Variants in LUC7L2 observed in about 807,000 individuals in gnomAD.
The protein encoded by LUC7L2 is putative RNA-binding protein Luc7-like 2.
LUC7L2 carries 25 observed loss-of-function variants against 52.8 expected under a neutral mutation model. That is an observed-to-expected ratio of 0.47 (90% confidence interval 0.34 to 0.66). The LOEUF (loss-of-function observed/expected upper bound fraction) is 0.66, where lower values mean the gene tolerates loss of function less well. Ranked by LOEUF, LUC7L2 falls within the 30% of genes least tolerant of loss-of-function variation. The pLI, the probability that LUC7L2 is intolerant of heterozygous loss-of-function variation, is 0.01. For synonymous variants in LUC7L2, 144 were observed against 160.9 expected (o/e 0.89, Z 0.80); for missense variants, 328 against 497.8 (o/e 0.66, Z 3.25).
Position 139,360,233 on chromosome 7 carries a change from CCCGCCCGT to C in LUC7L2, c.-21_-14del, listed in dbSNP as rs942228723. ...AAAAGGGCCCGGTCTGCGCCCCACC[CCCGCCCGT>C]CCGCCCGCTACGCCGCCGCCATGTC... is the stretch of plus-strand genomic sequence containing the variant. On this transcript the variant is annotated 5_prime_UTR_variant, in exon 1 of 10. Coordinates refer to ENST00000354926, the MANE Select transcript of LUC7L2 (RefSeq NM_016019.5). 24 of 1,540,680 alleles carry C rather than the reference CCCGCCCGT, an allele frequency of 1.6e-5. No homozygotes were observed. The African/African-American group carries it at 2.3e-4, about 15-fold the overall frequency.
intron 1 of LUC7L2, among the ~76,000 whole-genome samples, chr7:139,340,953 G>A (rs536900500): frequency 5.9e-5 from 9 of 152,230 alleles, no homozygotes; most frequent in African/African-American, 2.2e-4. Flanking sequence ...GATTTGGGGA[G>A]ACGTCAATAC....
At chr7:139,365,072 T>A (rs1800086013) in intron 1 of LUC7L2, among the ~76,000 whole-genome samples, 1 of 152,250 alleles carries the variant, frequency 6.6e-6, no homozygotes, top group Non-Finnish European at 1.5e-5. Flanking sequence ...TCTCTGCGTT[T>A]CAGTTAACTA....
chr7:139,408,787 A>T (rs1191624759), intron 6 of LUC7L2, among the ~76,000 whole-genome samples: 1 of 149,852 alleles, frequency 6.7e-6, no homozygotes, highest in East Asian at 2.0e-4. Flanking sequence ...GGTTGCAGTG[A>T]GCTGAGATTG....
At chr7:139,408,829 G>C (rs184463327) in intron 6 of LUC7L2, among the ~76,000 whole-genome samples, 1 of 139,940 alleles carries the variant, frequency 7.1e-6, no homozygotes, top group Non-Finnish European at 1.5e-5. Context: ...GCGACAGAGC[G>C]AGACTCTGTC....
rs1244009865 is a variant in LUC7L2 at position 139,359,995 on chromosome 7, C to T, written c.-267C>T. ...TGTTGAAGGCGAGAGCTTGCTTGGC[C>T]CGTGTCGCTTCTGTCCCAAGAACCG... is the stretch of plus-strand genomic sequence containing the variant. On this transcript the variant is annotated 5_prime_UTR_variant, in exon 1 of 10. Coordinates refer to ENST00000354926, the MANE Select transcript of LUC7L2 (RefSeq NM_016019.5). 1 of 473,514 alleles carries T rather than the reference C, an allele frequency of 2.1e-6. No homozygotes were observed. Among genetic ancestry groups the T allele is most frequent in the Non-Finnish European group, 3.7e-6 (1 of 267,400 alleles). 29.3% of individuals were successfully genotyped at this position (473,514 alleles called of 1,614,324 possible).
intron 1 of LUC7L2, chr7:139,375,633 TAAAA>T: frequency 1.0e-6 from 1 of 981,242 alleles, no homozygotes; most frequent in South Asian, 4.7e-5. Flanking sequence ...TTACTGTAAA[TAAAA>T]ATATATCAAT....
chr7:139,419,510 A>G (rs1212809130), intron 9 of LUC7L2, among the ~76,000 whole-genome samples: 1 of 152,188 alleles, frequency 6.6e-6, no homozygotes, highest in East Asian at 1.9e-4. Context: ...TTTAAAAGTT[A>G]CCTGTCTTAT....
At chr7:139,365,861 C>T (rs910416765) in intron 1 of LUC7L2, among the ~76,000 whole-genome samples, 6 of 152,194 alleles carry the variant, frequency 3.9e-5, no homozygotes, top group African/African-American at 9.6e-5. Flanking sequence ...AAGAGGGAAT[C>T]TTGTGAATTC....
At chr7:139,413,428 T>C (rs1254651559) in intron 8 of LUC7L2, among the ~76,000 whole-genome samples, 1 of 152,176 alleles carries the variant, frequency 6.6e-6, no homozygotes, top group African/African-American at 2.4e-5. Flanking sequence ...TTCTCAGCTC[T>C]AGAGACTATT....
At chr7:139,347,037 GC>G (rs1224296443) in intron 1 of LUC7L2, among the ~76,000 whole-genome samples, 1 of 152,198 alleles carries the variant, frequency 6.6e-6, no homozygotes, top group East Asian at 1.9e-4. Flanking sequence ...GGGTCTATTT[GC>G]TTCTTATATC....
chr7:139,410,442 A>C (rs1325347063), intron 7 of LUC7L2, among the ~76,000 whole-genome samples: 3 of 152,226 alleles, frequency 2.0e-5, no homozygotes, highest in African/African-American at 7.2e-5. Flanking sequence ...CTAAATGTAT[A>C]TAATTCCTCT....
intron 2 of LUC7L2, among the ~76,000 whole-genome samples, chr7:139,379,101 C>A (rs528242666): frequency 1.3e-5 from 2 of 152,128 alleles, no homozygotes; most frequent in East Asian, 1.9e-4. Context: ...TTGATCTGTT[C>A]GCCTCAGCCT....
At chr7:139,392,401 T>C (rs1205817877) in intron 2 of LUC7L2, 1 of 383,604 alleles carries the variant, frequency 2.6e-6, no homozygotes, top group Admixed American at 3.7e-5. Context: ...AGTTAAAAAT[T>C]CTTGACGATT....
chr7:139,411,769 G>A (rs900501763), intron 7 of LUC7L2, among the ~76,000 whole-genome samples: 3 of 152,152 alleles, frequency 2.0e-5, no homozygotes, highest in African/African-American at 7.2e-5. Context: ...TTGTAAGATT[G>A]AACTAGGTGT....
At chr7:139,363,172 C>G in intron 1 of LUC7L2, 1 of 984,706 alleles carries the variant, frequency 1.0e-6, no homozygotes, top group Non-Finnish European at 1.2e-6. Flanking sequence ...GCAATTTTGC[C>G]TAGGGCCCTG....
intron 9 of LUC7L2, among the ~76,000 whole-genome samples, chr7:139,419,917 T>TA (rs1330684733): frequency 2.0e-5 from 3 of 152,252 alleles, no homozygotes; most frequent in African/African-American, 7.2e-5. Context: ...TAATTGCTGT[T>TA]AAAACCTACT....
At chr7:139,363,088 A>G in intron 1 of LUC7L2, 1 of 288,124 alleles carries the variant, frequency 3.5e-6, no homozygotes, top group Non-Finnish European at 5.2e-6. Context: ...GAGGCTGGGC[A>G]GGGGGACTGC....
intron 9 of LUC7L2, among the ~76,000 whole-genome samples, chr7:139,418,614 T>C (rs375099645): frequency 1.3e-5 from 2 of 152,338 alleles, no homozygotes; most frequent in East Asian, 1.9e-4. Context: ...TATTTTTTTT[T>C]GACTCAACTT....
chr7:139,346,114 G>C (rs1170901546), intron 1 of LUC7L2: 1 of 156,026 alleles, frequency 6.4e-6, no homozygotes, highest in Non-Finnish European at 1.4e-5. Context: ...GCACATGCCT[G>C]TAATCCCAGC....
Sources: gnomAD v4.1 joint callset for allele counts (sites outside exome capture counted in the v4.1 genomes callset) on GRCh38, gnomAD v4.1.1 for gene constraint, MANE v1.5 for transcripts, NCBI Gene and HGNC (gene_info 2026-07-23, HGNC 2026-07-21) for gene names.